ATP13A5: variants seen among roughly 807,000 people sequenced by gnomAD.
The protein encoded by ATP13A5 is ATPase 13A5.
In ATP13A5, 149 loss-of-function variants were observed where a neutral mutation model predicts 150.2. That is an observed-to-expected ratio of 0.99 (90% confidence interval 0.87 to 1.14). The LOEUF (loss-of-function observed/expected upper bound fraction) is 1.14. ATP13A5 is among the 50% of genes most tolerant of loss of function. The pLI, the probability that ATP13A5 is intolerant of heterozygous loss-of-function variation, is 0.00. For synonymous variants in ATP13A5, 497 were observed against 522.2 expected (o/e 0.95, Z 0.66); for missense variants, 1,383 against 1,449.3 (o/e 0.95, Z 0.74).
At chr3:193,321,066 C>T (rs753339464) in intron 16 of ATP13A5, among the ~76,000 whole-genome samples, 2 of 152,158 alleles carry the variant, frequency 1.3e-5, no homozygotes, top group Non-Finnish European at 2.9e-5. Context: ...TCTCCATTTC[C>T]CTCATTCACA....
chr3:193,332,398 C>T (rs1364585398), intron 11 of ATP13A5, among the ~76,000 whole-genome samples: 2 of 152,104 alleles, frequency 1.3e-5, no homozygotes, highest in South Asian at 2.1e-4. Context: ...AGCAGGTCTC[C>T]AGAGGAGGCT....
Position 193,314,127 on chromosome 3 carries a change from A to G in ATP13A5, c.2225T>C (p.Val742Ala), listed in dbSNP as rs996013966. 1 of 1,613,962 alleles carries G rather than the reference A, an allele frequency of 6.2e-7. No homozygotes were observed. The highest frequency in any genetic ancestry group is 1.7e-5 in the Admixed American group (1 of 60,008). Reference sequence around the variant, plus strand: ...TGGTTCATCGGCCTCAACAATGATCACTTGGCTGCCTGGAGGGATCATTTC... The same window carrying G: ...TGGTTCATCGGCCTCAACAATGATCGCTTGGCTGCCTGGAGGGATCATTTC... ...NSEMIPPGSQ[V>A]IIVEADEPEE... The change falls in exon 19 of 30, where the codon GTG becomes GCG. Residue 742 changes from valine (V) to alanine (A), a missense_variant. Around this residue, in one of 3 missense-constraint regions of ATP13A5, gnomAD observed 568 missense variants for 621.5 expected, o/e 0.91. Transcript: ENST00000342358.
At chr3:193,360,923 C>T (rs928508895) in intron 5 of ATP13A5, among the ~76,000 whole-genome samples, 5 of 152,138 alleles carry the variant, frequency 3.3e-5, no homozygotes, top group African/African-American at 4.8e-5. Flanking sequence ...GTGAACCACC[C>T]GCCTTGGCCT....
Position 193,375,820 on chromosome 3 carries a change from C to T in ATP13A5, c.63+2843G>A, listed in dbSNP as rs1313609516. ...CTCCATGCTGAGCTCAGCAGAATCA[C>T]GCAAGACTGAGCTTGCATAATCTCA... is the stretch of plus-strand genomic sequence containing the variant. On this transcript the variant is annotated intron_variant, in intron 1 of 29. Transcript: ENST00000342358. 5.3e-5 allele frequency among the ~76,000 whole-genome samples: 8 copies of T among 152,298 alleles called. No homozygotes were observed. The East Asian group carries it at 9.6e-4, about 18-fold the overall frequency.
rs145262666 is a variant in ATP13A5, at chr3:193,285,008, G to A, written c.3132C>T (p.Thr1044=). The change falls in exon 27 of 30, where the codon ACC becomes ACT. Residue 1044 remains threonine (T), a synonymous_variant. Transcript: ENST00000342358. Reference sequence around the variant, plus strand: ...TGGTGGTGATGGGCCACAGTGTGGTGGTCTCAAAACTTAAAATTGAACCAG... The same window carrying A: ...TGGTGGTGATGGGCCACAGTGTGGTAGTCTCAAAACTTAAAATTGAACCAG... ...LIPGSILSFE[T]TTLWPITTIN... The A allele has an allele frequency of 7.9e-4, 1,280 of 1,613,894 alleles. 1 individual carries two copies. Among genetic ancestry groups the A allele is most frequent in the Non-Finnish European group, 1.0e-3 (1,214 of 1,179,936 alleles).
chr3:193,362,758 T>C lies in ATP13A5; in HGVS notation c.385-121A>G, dbSNP rs769880136. 5.8e-4 allele frequency: 70 copies of C among 119,772 alleles called. 3 individuals carry two copies. Among genetic ancestry groups the C allele is most frequent in the African/African-American group, 5.1e-3 (66 of 12,868 alleles). 7.4% of individuals were successfully genotyped at this position (119,772 alleles called of 1,614,324 possible). On this transcript the variant is annotated intron_variant, in intron 3 of 29. Coordinates refer to ENST00000342358, the MANE Select transcript of ATP13A5 (RefSeq NM_198505.4). ...GGGTCTCACTTGCTTTCCTTCTTTC[T>C]TTCTTTCTTTCTTTCTTTCTTTCTT... is the stretch of plus-strand genomic sequence containing the variant.
At chr3:193,280,938 C>G (rs184359295) in intron 27 of ATP13A5, among the ~76,000 whole-genome samples, 1 of 152,248 alleles carries the variant, frequency 6.6e-6, no homozygotes, top group East Asian at 1.9e-4. Context: ...GGCAACTGCC[C>G]CTTGATAGCA....
intron 28 of ATP13A5, 96 bp from the exon 29 acceptor site, chr3:193,276,926 T>C (rs1294025674): frequency 9.5e-6 from 9 of 942,458 alleles, no homozygotes; most frequent in Non-Finnish European, 1.4e-5. Context: ...GTAATAACTC[T>C]CTGAGCTTAG....
intron 3 of ATP13A5, 32 bp downstream of exon 3, chr3:193,363,204 A>G (rs969664551): frequency 2.5e-6 from 4 of 1,579,412 alleles, no homozygotes; most frequent in Admixed American, 3.8e-5. Flanking sequence ...CTCTGTAAAC[A>G]TGCATAACAC....
chr3:193,296,359 G>T (rs1216378531), intron 25 of ATP13A5, among the ~76,000 whole-genome samples: 1 of 152,094 alleles, frequency 6.6e-6, no homozygotes, highest in Admixed American at 6.6e-5. Context: ...GGATATTTTT[G>T]TGTAAGGTGT....
In ATP13A5 at chr3:193,305,657, C is replaced by T. The variant is rs61748338; in HGVS notation, c.2580G>A (p.Ala860=). The change falls in exon 23 of 30, where the codon GCG becomes GCA. Residue 860 remains alanine (A), a synonymous_variant. Transcript: ENST00000342358. The part of the protein sequence containing the change: ...DGANDCGALK[A]AHAGISLSEQ... ...CTGATAATGAAATGCCTGCATGAGC[C>T]GCTTTCAAAGCCTGGAATGATAAGC... The T allele has an allele frequency of 8.6e-3, 13,837 of 1,613,736 alleles. 703 individuals carry two copies. The African/African-American group carries it at 0.13, about 15-fold the overall frequency.
chr3:193,305,235 G>C (rs1718565246), intron 23 of ATP13A5, among the ~76,000 whole-genome samples: 1 of 152,148 alleles, frequency 6.6e-6, no homozygotes, highest in South Asian at 2.1e-4. Flanking sequence ...AAATTCCTGA[G>C]AGAAATGTTA....
intron 7 of ATP13A5, among the ~76,000 whole-genome samples, chr3:193,347,359 G>C (rs942850157): frequency 6.6e-6 from 1 of 150,634 alleles, no homozygotes; most frequent in African/African-American, 2.5e-5. Flanking sequence ...AATAAAAGGG[G>C]GTTGAAAAAT....
intron 13 of ATP13A5, 46 bp from the exon 14 acceptor site, chr3:193,325,060 A>T (rs369651673): frequency 2.5e-6 from 4 of 1,583,034 alleles, no homozygotes; most frequent in Non-Finnish European, 3.4e-6. Context: ...ATCATTTTGC[A>T]CATTCTGTCC....
chr3:193,313,999 A>G, intron 19 of ATP13A5, 34 bp downstream of exon 19: 1 of 1,609,140 alleles, frequency 6.2e-7, no homozygotes, highest in Non-Finnish European at 8.5e-7. Flanking sequence ...CCATCAGTCT[A>G]GGCCCACGGA....
intron 22 of ATP13A5, chr3:193,307,053 G>T: frequency 1.1e-6 from 1 of 931,314 alleles, no homozygotes; most frequent in South Asian, 4.9e-5. Flanking sequence ...AGATAGACTT[G>T]TAAAGTTCCA....
At chr3:193,326,214 C>T (rs1019719452) in intron 13 of ATP13A5, among the ~76,000 whole-genome samples, 4 of 152,178 alleles carry the variant, frequency 2.6e-5, no homozygotes, top group African/African-American at 9.7e-5. Flanking sequence ...CAGAGGCCAT[C>T]GCCGCTCAAA....
intron 15 of ATP13A5, 143 bp downstream of exon 15, chr3:193,322,348 C>T (rs756558432): frequency 2.0e-5 from 14 of 695,050 alleles, no homozygotes; most frequent in African/African-American, 5.4e-5. Flanking sequence ...TAGACAAATT[C>T]GGAAATGAAA....
At chr3:193,340,811 T>C (rs1378471951) in intron 9 of ATP13A5, among the ~76,000 whole-genome samples, 7 of 152,226 alleles carry the variant, frequency 4.6e-5, no homozygotes, top group Non-Finnish European at 7.3e-5. Context: ...GTCATTTGTA[T>C]ACTTTCATGT....
Sources: gnomAD v4.1 joint callset for allele counts (sites outside exome capture counted in the v4.1 genomes callset) on GRCh38, gnomAD v4.1.1 for gene constraint, gnomAD v4.1.1 regional missense constraint, MANE v1.5 for transcripts, NCBI Gene and HGNC (gene_info 2026-07-23, HGNC 2026-07-21) for gene names.